The following STK32C variants were observed in gnomAD, a reference collection of about 807,000 sequenced individuals.
STK32C encodes the protein serine/threonine-protein kinase 32C.
STK32C carries 31 observed loss-of-function variants against 56.5 expected under a neutral mutation model. The ratio of observed to expected loss-of-function variants is 0.55; its 90% CI spans 0.41 to 0.74. The LOEUF is 0.74. Among genes scored for constraint, STK32C ranks in the 30% least tolerant of loss-of-function variants. The probability of loss-of-function intolerance (pLI) is 0.00; values close to 1 mark genes in which losing one functional copy is unlikely to be tolerated. For synonymous variants in STK32C, 309 were observed against 289.4 expected, an observed-to-expected ratio of 1.07 and a Z score of -0.69; for missense variants, 544 against 676.9, an observed-to-expected ratio of 0.80 and a Z score of 2.18.
intron 2 of STK32C, among the ~76,000 whole-genome samples, chr10:132,229,072 G>A (rs1025945746): frequency 6.6e-5 from 10 of 152,362 alleles, no homozygotes; most frequent in African/African-American, 2.2e-4. Flanking sequence ...GGGGTCCCTT[G>A]TGGCCAAGGA....
chr10:132,267,912 TCAG>T (rs1271758023), intron 1 of STK32C, among the ~76,000 whole-genome samples: 11 of 147,088 alleles, frequency 7.5e-5, no homozygotes, highest in Non-Finnish European at 1.0e-4. Flanking sequence ...TGTGTGTGTG[TCAG>T]TGCGTGTGCA....
At chr10:132,244,777 T>C (rs1388094271) in intron 2 of STK32C, among the ~76,000 whole-genome samples, 1 of 152,142 alleles carries the variant, frequency 6.6e-6, no homozygotes, top group Non-Finnish European at 1.5e-5. Flanking sequence ...GCTGTGGGCC[T>C]GGGAAACAGA....
At chr10:132,325,822 T>C (rs1055886576) in intron 1 of STK32C, among the ~76,000 whole-genome samples, 2 of 150,868 alleles carry the variant, frequency 1.3e-5, no homozygotes, top group African/African-American at 2.4e-5. Flanking sequence ...CCCGGGTTCA[T>C]GCCATTCTCC....
chr10:132,263,703 CAA>C (rs369596906), intron 1 of STK32C, among the ~76,000 whole-genome samples: 3 of 138,894 alleles, frequency 2.2e-5, no homozygotes, highest in Admixed American at 7.2e-5. Flanking sequence ...ACAAAAAATA[CAA>C]AAAAAAAAAA....
intron 1 of STK32C, among the ~76,000 whole-genome samples, chr10:132,280,733 C>T (rs1367155219): frequency 6.7e-6 from 1 of 150,306 alleles, no homozygotes; most frequent in Non-Finnish European, 1.5e-5. Flanking sequence ...CCCCTGCACT[C>T]GGTGATCACA....
chr10:132,302,116 G>A (rs1157145627), intron 1 of STK32C, among the ~76,000 whole-genome samples: 1 of 152,228 alleles, frequency 6.6e-6, no homozygotes, highest in East Asian at 1.9e-4. Flanking sequence ...AGTGGTCCCG[G>A]CTCCGTGTGG....
At chr10:132,309,403 C>T (rs1407382325), upstream of STK32C, among the ~76,000 whole-genome samples, 2 of 152,158 alleles carry the variant, frequency 1.3e-5, no homozygotes, top group African/African-American at 2.4e-5. Flanking sequence ...CATGCACCCG[C>T]TTAGGACACA....
chr10:132,282,769 A>G (rs534957733), intron 1 of STK32C, among the ~76,000 whole-genome samples: 1 of 152,402 alleles, frequency 6.6e-6, no homozygotes, highest in Admixed American at 6.5e-5. Flanking sequence ...CTTAGCCACC[A>G]GCAGCCACTC....
chr10:132,240,593 C>A (rs935835350), intron 2 of STK32C, among the ~76,000 whole-genome samples: 2 of 152,144 alleles, frequency 1.3e-5, no homozygotes, highest in Non-Finnish European at 2.9e-5. Context: ...CAAGGACAGG[C>A]GGTTCCTCGG....
At chr10:132,287,384 G>C (rs899602616) in intron 1 of STK32C, among the ~76,000 whole-genome samples, 1 of 121,400 alleles carries the variant, frequency 8.2e-6, no homozygotes, top group Non-Finnish European at 1.7e-5. Flanking sequence ...CCACCTACTT[G>C]GGAGGCTGAG....
Position 132,226,972 on chromosome 10 carries a change from T to A in STK32C, c.471-4A>T, listed in dbSNP as rs769032110. The A allele has an allele frequency of 6.8e-6, 11 of 1,612,844 alleles. No individual in the cohort carries two copies. On this transcript the variant is annotated splice_region_variant and splice_polypyrimidine_tract_variant and intron_variant, in intron 3 of 11. Coordinates refer to ENST00000298630, the MANE Select transcript of STK32C (RefSeq NM_173575.4). ...CTCCTCGTCCTGGAAGGAGTACCTG[T>A]GGGCACCGATGGAAGGCCTGTTGTG...
At chr10:132,280,409 C>A (rs572827733) in intron 1 of STK32C, among the ~76,000 whole-genome samples, 1 of 148,184 alleles carries the variant, frequency 6.7e-6, no homozygotes, top group African/African-American at 2.5e-5. Context: ...CACGCACCTC[C>A]ACCCCCTGAT....
At chr10:132,223,073 G>T in intron 8 of STK32C, 87 bp from the exon 9 acceptor site, 1 of 1,484,500 alleles carries the variant, frequency 6.7e-7, no homozygotes, top group Admixed American at 2.1e-5. Context: ...GGCACCTTGA[G>T]GAGGGTCCCA....
rs940455137 is a variant in STK32C, at chr10:132,224,675, G to T, written c.877-152C>A. On this transcript the variant is annotated intron_variant, in intron 7 of 11. Transcript: ENST00000298630. ...GAGCACAGCCTGGCCTCCACCTGCC[G>T]CGGAGGAGCCTGGGTGAGATAAAGC... 16 of 652,208 alleles carry T rather than the reference G, an allele frequency of 2.5e-5. No homozygotes were observed. The African/African-American group carries it at 2.7e-4, about 11-fold the overall frequency. The allele number at this position is 652,208 out of a possible 1,614,324, so 40.4% of individuals were successfully genotyped here.
intron 1 of STK32C, among the ~76,000 whole-genome samples, chr10:132,258,891 C>T (rs891141742): frequency 6.6e-6 from 1 of 152,258 alleles, no homozygotes; most frequent in Non-Finnish European, 1.5e-5. Context: ...CGCCCGTGGG[C>T]AGACGGGGGT....
At chr10:132,309,031 G>A (rs548840974), upstream of STK32C, among the ~76,000 whole-genome samples, 18 of 152,282 alleles carry the variant, frequency 1.2e-4, no homozygotes, top group South Asian at 3.7e-3. Flanking sequence ...CTTCCTCCTC[G>A]GTGAAATCCT....
At chr10:132,275,144 A>T (rs546548498) in intron 1 of STK32C, among the ~76,000 whole-genome samples, 8 of 152,174 alleles carry the variant, frequency 5.3e-5, no homozygotes, top group African/African-American at 7.2e-5. Context: ...CATCTGGCCC[A>T]TCAGCCCGTC....
At chr10:132,227,062 C>T in intron 3 of STK32C, 94 bp from the exon 4 acceptor site, 2 of 1,410,602 alleles carry the variant, frequency 1.4e-6, no homozygotes, top group South Asian at 1.3e-5. Flanking sequence ...AGGACCACAG[C>T]CCCACCCCAG....
chr10:132,266,178 G>A (rs972329462), intron 1 of STK32C, among the ~76,000 whole-genome samples: 1 of 152,226 alleles, frequency 6.6e-6, no homozygotes, highest in Non-Finnish European at 1.5e-5. Context: ...CCGATCCATA[G>A]CCACGTGGAT....
Sources: allele counts gnomAD v4.1 joint callset (sites outside exome capture counted in the v4.1 genomes callset), GRCh38; gene constraint gnomAD v4.1.1; transcripts MANE v1.5; gene names NCBI Gene and HGNC (gene_info 2026-07-23, HGNC 2026-07-21).